Variants in SLC10A6 observed in about 807,000 individuals in gnomAD.
SLC10A6 encodes sodium-dependent organic anion transporter.
SLC10A6 carries 27 observed loss-of-function variants against 30.0 expected under a neutral mutation model. The observed-to-expected ratio is 0.90, with a 90% CI of 0.66 to 1.24. SLC10A6 has a LOEUF of 1.24. Ranked by LOEUF, SLC10A6 falls within the 50% of genes most tolerant of loss-of-function variation. SLC10A6 has a pLI of 0.00. For missense variants in SLC10A6, 439 were observed against 457.0 expected, an observed-to-expected ratio of 0.96 and a Z score of 0.36; for synonymous variants, 166 against 173.8, an observed-to-expected ratio of 0.95 and a Z score of 0.36.
At chr4:86,838,281 T>C (rs533302732) in intron 1 of SLC10A6, among the ~76,000 whole-genome samples, 2 of 152,352 alleles carry the variant, frequency 1.3e-5, no homozygotes, top group South Asian at 4.1e-4. Flanking sequence ...TCATGAATTA[T>C]ACACATGCTG....
chr4:86,825,973 T>C (rs987421124), intron 4 of SLC10A6, among the ~76,000 whole-genome samples: 18 of 152,102 alleles, frequency 1.2e-4, no homozygotes, highest in South Asian at 2.1e-4. Context: ...GGAAATATTA[T>C]AAAAATTAAA....
intron 4 of SLC10A6, among the ~76,000 whole-genome samples, chr4:86,827,135 A>C (rs1746011491): frequency 6.6e-6 from 1 of 152,224 alleles, no homozygotes; most frequent in Admixed American, 6.5e-5. Context: ...TTGTCAGGCT[A>C]TCAGGTATGA....
At chr4:86,844,814 C>T (rs1746366296) in intron 1 of SLC10A6, among the ~76,000 whole-genome samples, 1 of 152,180 alleles carries the variant, frequency 6.6e-6, no homozygotes, top group South Asian at 2.1e-4. Flanking sequence ...TCTCAGGAAA[C>T]TTACAAACAT....
At chr4:86,837,275 GAAAGAAAGAAA>G (rs1746207568) in intron 1 of SLC10A6, among the ~76,000 whole-genome samples, 1 of 109,252 alleles carries the variant, frequency 9.2e-6, no homozygotes, top group Non-Finnish European at 1.8e-5. Context: ...AAGAAAGAAA[GAAAGAAAGAAA>G]AAGAAAGGAA....
chr4:86,831,711 C>T (rs1222088613), intron 3 of SLC10A6, 81 bp downstream of exon 3: 11 of 1,176,360 alleles, frequency 9.4e-6, no homozygotes, highest in Non-Finnish European at 1.4e-5. Flanking sequence ...AACAAGCTCA[C>T]TTGTCCCAGC....
chr4:86,836,968 G>A (rs1277237412), intron 1 of SLC10A6, among the ~76,000 whole-genome samples: 1 of 151,836 alleles, frequency 6.6e-6, no homozygotes, highest in African/African-American at 2.4e-5. Context: ...ATGTTGGCCA[G>A]GCTGTCTCGA....
Position 86,849,298 on chromosome 4 carries a change from G to T in SLC10A6, c.-183C>A. ...TTTTTTCACAAGTGGCATTATAAAAGTAATTATCACAGGCATGAAACATAT... is the reference window on the plus strand; with the variant it reads ...TTTTTTCACAAGTGGCATTATAAAATTAATTATCACAGGCATGAAACATAT... On this transcript the variant is annotated 5_prime_UTR_variant, in exon 1 of 6. The change creates a premature stop within an existing upstream ORF in the 5' untranslated region. Coordinates refer to ENST00000273905, the MANE Select transcript of SLC10A6 (RefSeq NM_197965.3). The T allele has an allele frequency of 3.0e-6, 2 of 671,498 alleles. No homozygotes were observed. The highest frequency in any genetic ancestry group is 2.7e-5 in the East Asian group (1 of 36,830). The allele number at this position is 671,498 out of a possible 1,614,324, so 41.6% of individuals were successfully genotyped here. A position where few individuals can be genotyped will look rare whatever the true frequency, so the allele number is the denominator to read the frequency against.
intron 3 of SLC10A6, among the ~76,000 whole-genome samples, chr4:86,828,585 C>A (rs1473796531): frequency 6.6e-6 from 1 of 151,858 alleles, no homozygotes; most frequent in Non-Finnish European, 1.5e-5. Context: ...CCTGCCTGAC[C>A]ATCTGCCTCC....
intron 1 of SLC10A6, among the ~76,000 whole-genome samples, chr4:86,843,693 G>A (rs1057032842): frequency 2.0e-5 from 3 of 152,150 alleles, no homozygotes; most frequent in Non-Finnish European, 4.4e-5. Flanking sequence ...CAGGGTTAGG[G>A]TTAGGCATGC....
At chr4:86,839,038 T>G (rs1425109298) in intron 1 of SLC10A6, among the ~76,000 whole-genome samples, 1 of 152,044 alleles carries the variant, frequency 6.6e-6, no homozygotes, top group Non-Finnish European at 1.5e-5. Flanking sequence ...TTGCAAGTAT[T>G]TGTGTACATC....
chr4:86,823,978 A>G (rs1745932158), intron 5 of SLC10A6, 76 bp from the exon 6 acceptor site: 7 of 1,332,558 alleles, frequency 5.3e-6, no homozygotes, highest in Non-Finnish European at 6.2e-6. Context: ...ACACTTGTCA[A>G]TCCTTCAGGT....
chr4:86,834,704 G>T (rs1318819449), intron 1 of SLC10A6, among the ~76,000 whole-genome samples: 1 of 152,072 alleles, frequency 6.6e-6, no homozygotes, highest in Non-Finnish European at 1.5e-5. Flanking sequence ...AGTGTATTAG[G>T]CTGTTTGCAT....
chr4:86,847,738 C>T (rs1002936671), intron 1 of SLC10A6, among the ~76,000 whole-genome samples: 1 of 152,186 alleles, frequency 6.6e-6, no homozygotes, highest in Non-Finnish European at 1.5e-5. Context: ...CTGATGTCAA[C>T]TCCCAGCTCA....
intron 1 of SLC10A6, among the ~76,000 whole-genome samples, chr4:86,845,310 G>T (rs1236948943): frequency 6.6e-6 from 1 of 152,194 alleles, no homozygotes; most frequent in Non-Finnish European, 1.5e-5. Context: ...CTGGAAGAGT[G>T]TGAGATATGC....
intron 1 of SLC10A6, among the ~76,000 whole-genome samples, chr4:86,838,059 A>G (rs1746230041): frequency 6.6e-6 from 1 of 152,254 alleles, no homozygotes; most frequent in African/African-American, 2.4e-5. Flanking sequence ...TGACTACTTT[A>G]ACATTTTCTG....
rs770753702 is a variant in SLC10A6, at chr4:86,849,048, C to T, written c.68G>A (p.Gly23Glu). The T allele has an allele frequency of 1.2e-6, 2 of 1,614,160 alleles. No individual in the cohort carries two copies. The highest frequency in any genetic ancestry group is 1.3e-5 in the African/African-American group (1 of 75,046). The change falls in exon 1 of 6, where the codon GGA (glycine) becomes GAA (glutamate). Residue 23 changes from glycine (G) to glutamate (E), a missense_variant. Gly to Glu is a moderately conservative substitution (Grantham distance 98). Transcript: ENST00000273905. ...CTCCAGGTTTCCATGCACCTCCAGT[C>T]CCACTGGCAGCTCCTCCTCTGAACT... is the stretch of plus-strand genomic sequence containing the variant. ...ANSSEEELPVGLEVHGNLELV... is the reference protein window; with the variant it reads ...ANSSEEELPVELEVHGNLELV...
At chr4:86,832,154 G>C (rs1746091308) in intron 2 of SLC10A6, among the ~76,000 whole-genome samples, 1 of 152,134 alleles carries the variant, frequency 6.6e-6, no homozygotes, top group South Asian at 2.1e-4. Flanking sequence ...ATAAAATCAT[G>C]GTTTCTAAAT....
chr4:86,838,694 G>A (rs535634511), intron 1 of SLC10A6, among the ~76,000 whole-genome samples: 9 of 151,964 alleles, frequency 5.9e-5, no homozygotes, highest in African/African-American at 1.9e-4. Context: ...AGGCCAAGGC[G>A]TGCAGATTAC....
At chr4:86,835,438 G>A (rs562734093) in intron 1 of SLC10A6, among the ~76,000 whole-genome samples, 7 of 152,148 alleles carry the variant, frequency 4.6e-5, no homozygotes, top group Admixed American at 6.5e-5. Flanking sequence ...AGGCCAAGGC[G>A]GGCAGATGAC....
Sources: gnomAD v4.1 joint callset for allele counts (sites outside exome capture counted in the v4.1 genomes callset) on GRCh38, gnomAD v4.1.1 for gene constraint, MANE v1.5 for transcripts, NCBI Gene and HGNC (gene_info 2026-07-23, HGNC 2026-07-21) for gene names.